Variants in CLEC16A observed in about 807,000 individuals in gnomAD.
The protein encoded by CLEC16A is protein CLEC16A.
CLEC16A carries 51 observed loss-of-function variants against 109.5 expected under a neutral mutation model. The observed-to-expected ratio is 0.47, with a 90% confidence interval of 0.37 to 0.59. The LOEUF is 0.59. Among genes scored for constraint, CLEC16A ranks in the 20% least tolerant of loss-of-function variants. The pLI is 0.00. For missense variants in CLEC16A, 1,339 were observed against 1,394.0 expected, an observed-to-expected ratio of 0.96 and a Z score of 0.63; for synonymous variants, 673 against 564.2, an observed-to-expected ratio of 1.19 and a Z score of -2.73.
intron 18 of CLEC16A, among the ~76,000 whole-genome samples, chr16:11,057,904 T>C (rs2048289825): frequency 6.6e-6 from 1 of 152,186 alleles, no homozygotes; most frequent in Non-Finnish European, 1.5e-5. Context: ...ATAGGAACCA[T>C]GCAGAGTCAT....
chr16:11,136,285 AC>A (rs2053556672), intron 22 of CLEC16A: 1 of 152,268 alleles, frequency 6.6e-6, no homozygotes, highest in Non-Finnish European at 1.5e-5. Flanking sequence ...CTGTACTCTT[AC>A]TAATGGCTCA....
At chr16:11,071,424 G>A (rs2049064345) in intron 19 of CLEC16A, among the ~76,000 whole-genome samples, 1 of 152,122 alleles carries the variant, frequency 6.6e-6, no homozygotes, top group African/African-American at 2.4e-5. Context: ...AGAGGGGGAC[G>A]AAGGTAGAGG....
intron 19 of CLEC16A, among the ~76,000 whole-genome samples, chr16:11,070,047 T>A (rs540086490): frequency 6.6e-6 from 1 of 150,794 alleles, no homozygotes; most frequent in South Asian, 2.1e-4. Flanking sequence ...TCCCAGCTTC[T>A]CCCAGCACCT....
At chr16:10,956,613 G>A (rs1236931142) in intron 1 of CLEC16A, among the ~76,000 whole-genome samples, 2 of 152,170 alleles carry the variant, frequency 1.3e-5, no homozygotes, top group African/African-American at 4.8e-5. Flanking sequence ...GGCACTCCCA[G>A]GGCATCCAGC....
intron 22 of CLEC16A, among the ~76,000 whole-genome samples, chr16:11,154,696 G>A (rs1274025517): frequency 1.3e-5 from 2 of 152,126 alleles, no homozygotes; most frequent in South Asian, 2.1e-4. Context: ...AGGCTGAGGT[G>A]GGCGGATCAC....
chr16:11,149,434 G>A (rs1397899001), intron 22 of CLEC16A, among the ~76,000 whole-genome samples: 1 of 152,128 alleles, frequency 6.6e-6, no homozygotes, highest in South Asian at 2.1e-4. Flanking sequence ...TTCCACTTCT[G>A]TCTTCCCTGT....
chr16:11,109,754 G>A (rs539586090), intron 19 of CLEC16A, among the ~76,000 whole-genome samples: 2 of 152,340 alleles, frequency 1.3e-5, no homozygotes, highest in South Asian at 2.1e-4. Context: ...GGGTGAGCCT[G>A]CCTTTCCCTC....
intron 13 of CLEC16A, among the ~76,000 whole-genome samples, chr16:11,029,140 T>C (rs1435681726): frequency 1.3e-5 from 2 of 152,166 alleles, no homozygotes; most frequent in Non-Finnish European, 1.5e-5. Flanking sequence ...TGAGGCTTGC[T>C]TTTAAGCTCT....
chr16:11,030,918 A>G (rs943794777), intron 13 of CLEC16A, among the ~76,000 whole-genome samples: 2 of 152,148 alleles, frequency 1.3e-5, no homozygotes, highest in Non-Finnish European at 2.9e-5. Context: ...TTCTTTATGT[A>G]TTTTGAATGC....
At chr16:10,973,662 A>G (rs115404047) in intron 7 of CLEC16A, among the ~76,000 whole-genome samples, 125 of 150,012 alleles carry the variant, frequency 8.3e-4, no homozygotes, top group African/African-American at 2.9e-3. Context: ...TTGACCTCCT[A>G]GGTTTAAGCA....
At chr16:10,977,545 G>C in intron 8 of CLEC16A, 146 bp downstream of exon 8, 2 of 813,592 alleles carry the variant, frequency 2.5e-6, no homozygotes, top group African/African-American at 3.5e-5. Flanking sequence ...ACGGAGTTTT[G>C]CTCTTTTACC....
intron 13 of CLEC16A, chr16:11,027,372 A>G: frequency 1.4e-6 from 2 of 1,393,716 alleles, no homozygotes; most frequent in Non-Finnish European, 2.0e-6. Context: ...GAAAATTTTT[A>G]GTGGTGTCTT....
intron 19 of CLEC16A, among the ~76,000 whole-genome samples, chr16:11,109,572 G>C (rs1048745725): frequency 1.3e-5 from 2 of 152,160 alleles, no homozygotes; most frequent in African/African-American, 2.4e-5. Context: ...CCACCCACAG[G>C]CCACTGCAGT....
At position 10,987,012 on chromosome 16, in the gene CLEC16A, C is replaced by G. The variant is rs2043709812; in HGVS notation, c.1071+4021C>G. On this transcript the variant is annotated intron_variant, in intron 10 of 23. Transcript: ENST00000409790. ...GGACTACAGGCATGCACCACCACACCCAGCTAATTTTGTTTGTATTTTTAG... is the reference window on the plus strand; with the variant it reads ...GGACTACAGGCATGCACCACCACACGCAGCTAATTTTGTTTGTATTTTTAG... 2.6e-5 allele frequency among the ~76,000 whole-genome samples: 4 copies of G among 151,850 alleles called. No individual in the cohort carries two copies. The South Asian group carries it at 8.3e-4, about 32-fold the overall frequency.
chr16:11,016,438 C>T (rs891711811), intron 11 of CLEC16A, among the ~76,000 whole-genome samples: 1 of 151,842 alleles, frequency 6.6e-6, no homozygotes, highest in Non-Finnish European at 1.5e-5. Context: ...AACCCCCACC[C>T]CCTGGGTTCA....
intron 10 of CLEC16A, among the ~76,000 whole-genome samples, chr16:10,994,222 G>A (rs893173676): frequency 1.3e-5 from 2 of 152,216 alleles, no homozygotes; most frequent in African/African-American, 2.4e-5. Context: ...CCACTCCATA[G>A]CATTCATTTT....
In CLEC16A at chr16:11,104,774, G is replaced by A. The variant is rs181464418; in HGVS notation, c.2117-15841G>A. On this transcript the variant is annotated intron_variant, in intron 19 of 23. Coordinates refer to ENST00000409790, the MANE Select transcript of CLEC16A (RefSeq NM_015226.3). ...AACAGCCTCTGAAGGGTCACCCAGTGTAAGGATGCATCTGCCTTCTTCATC... is the reference window on the plus strand; with the variant it reads ...AACAGCCTCTGAAGGGTCACCCAGTATAAGGATGCATCTGCCTTCTTCATC... 2.6e-5 allele frequency among the ~76,000 whole-genome samples: 4 copies of A among 152,318 alleles called. No homozygotes were observed. The East Asian group carries it at 7.7e-4, about 29-fold the overall frequency.
At chr16:10,975,117 C>G (rs1210371269) in intron 7 of CLEC16A, among the ~76,000 whole-genome samples, 1 of 152,098 alleles carries the variant, frequency 6.6e-6, no homozygotes, top group Non-Finnish European at 1.5e-5. Flanking sequence ...CTGAGGCGGG[C>G]AGATCACTTG....
At chr16:11,085,740 C>T (rs1164627998) in intron 19 of CLEC16A, among the ~76,000 whole-genome samples, 10 of 152,138 alleles carry the variant, frequency 6.6e-5, no homozygotes, top group African/African-American at 2.4e-4. Context: ...CACAGGTGTG[C>T]GCCACCACAC....
Sources: gnomAD v4.1 joint callset for allele counts (sites outside exome capture counted in the v4.1 genomes callset) on GRCh38, gnomAD v4.1.1 for gene constraint, MANE v1.5 for transcripts, NCBI Gene and HGNC (gene_info 2026-07-23, HGNC 2026-07-21) for gene names.